Variants in SZT2 observed in about 807,000 individuals in gnomAD.
SZT2 encodes SZT2 subunit of KICSTOR complex.
A neutral mutation model predicts 404.2 loss-of-function variants in SZT2; 216 were observed. The observed-to-expected ratio is 0.53, with a 90% CI of 0.48 to 0.60. The LOEUF is 0.60. SZT2 is among the 20% of genes least tolerant of loss of function. The pLI is 0.00. For missense variants in SZT2, 3,857 were observed against 4,459.2 expected, an observed-to-expected ratio of 0.86 and a Z score of 3.85; for synonymous variants, 1,693 against 1,749.9, an observed-to-expected ratio of 0.97 and a Z score of 0.81.
intron 12 of SZT2, 24 bp downstream of exon 12, chr1:43,422,249 A>G (rs770499439): frequency 3.8e-6 from 6 of 1,559,954 alleles, no homozygotes; most frequent in South Asian, 1.1e-5. Context: ...GGGCTGGGCC[A>G]TAGTTGGGGT....
Position 43,433,089 on chromosome 1 carries a change from T to G in SZT2, c.5703T>G (p.Pro1901=). 1 of 1,614,134 alleles carries G rather than the reference T, an allele frequency of 6.2e-7. No homozygotes were observed. The highest frequency in any genetic ancestry group is 8.5e-7 in the Non-Finnish European group (1 of 1,180,028). ...TGCGGACTCCACCTGGGCCAGCACC[T>G]CCACAGCCTTCACTCTCAGGCCTCC... ...FTLRTPPGPA[P]PQPSLSGLPG... Residue 1901 remains proline, a synonymous_variant, in exon 40 of 72, where the codon CCT becomes CCG. Transcript: ENST00000634258.
At position 43,453,572 on chromosome 1, in the gene SZT2, A is replaced by G. The variant is rs755042181; in HGVS notation, c.*3092A>G. The G allele has an allele frequency of 2.6e-5, 36 of 1,378,112 alleles. No homozygotes were observed. The highest frequency in any genetic ancestry group is 3.9e-4 in the Middle Eastern group (2 of 5,162). 85.4% of individuals were successfully genotyped at this position (1,378,112 alleles called of 1,614,324 possible). On this transcript the variant is annotated 3_prime_UTR_variant, in exon 72 of 72. Coordinates refer to ENST00000634258, the MANE Select transcript of SZT2 (RefSeq NM_001365999.1). ...CGCCCCGGCACCCCCCAGCCCTCCC[A>G]GCCCTCCCGGCCCGCGACGCACCCG...
At position 43,430,527 on chromosome 1, in the gene SZT2, G is replaced by C; in HGVS notation, c.4512G>C (p.Glu1504Asp). Reference sequence around the variant, plus strand: ...CATCTGCCTGCTGTGTGGTCACTGAGAGTGACCCAGAGCTAGAGGTAGAAT... The same window carrying C: ...CATCTGCCTGCTGTGTGGTCACTGACAGTGACCCAGAGCTAGAGGTAGAAT... ...GDTSACCVVTESDPELEVEYR... is the reference protein window; with the variant it reads ...GDTSACCVVTDSDPELEVEYR... The change falls in exon 32 of 72, where the codon GAG becomes GAC. Residue 1504 changes from glutamate to aspartate, a missense_variant. Physicochemically the swap from Glu to Asp is conservative, Grantham distance 45 (BLOSUM62 2). Coordinates refer to ENST00000634258, the MANE Select transcript of SZT2 (RefSeq NM_001365999.1). 2 of 1,614,208 alleles carry C rather than the reference G, an allele frequency of 1.2e-6. No individual in the cohort carries two copies. The highest frequency in any genetic ancestry group is 1.7e-6 in the Non-Finnish European group (2 of 1,180,030).
In SZT2 at chr1:43,447,148, G is replaced by A. The variant is rs1206741431; in HGVS notation, c.9266G>A (p.Gly3089Asp). The part of the protein sequence containing the change: ...LAHHPDGPHF[G>D]RNHIYQGTLE... Reference sequence around the variant, plus strand: ...CACCACCCTGACGGACCCCACTTTGGCCGCAATCACATTTACCAAGGTCAG... The same window carrying A: ...CACCACCCTGACGGACCCCACTTTGACCGCAATCACATTTACCAAGGTCAG... Residue 3089 changes from glycine (G) to aspartate (D), a missense_variant, in exon 66 of 72, where the codon GGC (glycine) becomes GAC (aspartate). Physicochemically the swap from Gly to Asp is moderately conservative, Grantham distance 94. Transcript: ENST00000634258. 1 of 1,612,706 alleles carries A rather than the reference G, an allele frequency of 6.2e-7. No homozygotes were observed. Among genetic ancestry groups the A allele is most frequent in the Non-Finnish European group, 8.5e-7 (1 of 1,179,852 alleles).
chr1:43,443,276 C>T lies in SZT2; in HGVS notation c.8499+9C>T. 1 of 1,614,172 alleles carries T rather than the reference C, an allele frequency of 6.2e-7. No individual in the cohort carries two copies. Among genetic ancestry groups the T allele is most frequent in the Non-Finnish European group, 8.5e-7 (1 of 1,180,010 alleles). ...CCACCATGCCCATCAGTGTGAGTGA[C>T]CCCAGCTTGCATCTTCCTTGAGTAT... is the stretch of plus-strand genomic sequence containing the variant. On this transcript the variant is annotated intron_variant, in intron 60 of 71. Coordinates refer to ENST00000634258, the MANE Select transcript of SZT2 (RefSeq NM_001365999.1).
intron 4 of SZT2, among the ~76,000 whole-genome samples, chr1:43,414,760 C>A (rs912137718): frequency 7.2e-5 from 11 of 152,148 alleles, no homozygotes; most frequent in African/African-American, 2.7e-4. Flanking sequence ...CATAAGACAT[C>A]CTGTAGGCCA....
rs924800820 is a variant in SZT2, at chr1:43,413,003, G to T, written c.499-2079G>T. Among the ~76,000 whole-genome samples, 3 of 152,172 alleles carry T rather than the reference G, an allele frequency of 2.0e-5. No individual in the cohort carries two copies. The East Asian group carries it at 5.8e-4, about 29-fold the overall frequency. Reference sequence around the variant, plus strand: ...AAAATGGTTTTTATCCAAAAGACAGGCAATAACATGCTGGTGAGGATGTGG... The same window carrying T: ...AAAATGGTTTTTATCCAAAAGACAGTCAATAACATGCTGGTGAGGATGTGG... On this transcript the variant is annotated intron_variant, in intron 4 of 71. Coordinates refer to ENST00000634258, the MANE Select transcript of SZT2 (RefSeq NM_001365999.1).
chr1:43,432,696 A>G (rs1213615636), intron 38 of SZT2, 32 bp from the exon 39 acceptor site: 2 of 1,613,830 alleles, frequency 1.2e-6, no homozygotes, highest in Non-Finnish European at 1.7e-6. Flanking sequence ...CAGGATTGAG[A>G]GAGGCTCCAG....
rs1655207115 is a variant in SZT2, at chr1:43,442,757, G to C, written c.8152-62G>C. On this transcript the variant is annotated intron_variant, in intron 58 of 71. Transcript: ENST00000634258. This position sits in a 1 kb window ranked among gnomAD's most constrained non-coding sequence, Gnocchi z 4.5. ...GGGAGAGTCTGAGAGAGGAAGCCCTGGGATGAGAGAGAGGGTCCGAGGGCA... is the reference window on the plus strand; with the variant it reads ...GGGAGAGTCTGAGAGAGGAAGCCCTCGGATGAGAGAGAGGGTCCGAGGGCA... 6.5e-7 allele frequency: 1 copy of C among 1,541,134 alleles called. No homozygotes were observed. The highest frequency in any genetic ancestry group is 1.3e-5 in the South Asian group (1 of 79,920).
Position 43,451,402 on chromosome 1 carries a change from C to G in SZT2, c.*922C>G. ...TCCAGAGCTCCCTTCCCCAGGGCCA[C>G]GCCTCACCTCGAGGCTGATACTCAC... is the stretch of plus-strand genomic sequence containing the variant. On this transcript the variant is annotated 3_prime_UTR_variant, in exon 72 of 72. Coordinates refer to ENST00000634258, the MANE Select transcript of SZT2 (RefSeq NM_001365999.1). 1 of 1,612,264 alleles carries G rather than the reference C, an allele frequency of 6.2e-7. No homozygotes were observed.
chr1:43,441,778 A>G lies in SZT2; in HGVS notation c.7702A>G (p.Met2568Val), dbSNP rs150643439. 2 of 1,614,014 alleles carry G rather than the reference A, an allele frequency of 1.2e-6. No homozygotes were observed. The highest frequency in any genetic ancestry group is 2.7e-5 in the African/African-American group (2 of 74,918). The change falls in exon 55 of 72, where the codon ATG becomes GTG. Residue 2568 changes from methionine (M) to valine (V), a missense_variant. By Grantham distance (21) the Met-to-Val change is conservative. Transcript: ENST00000634258. This position sits in a 1 kb window ranked among gnomAD's most constrained non-coding sequence, Gnocchi z 4.8. ...TGAGTTCACCGCACTGGTCACCTCA[A>G]TGGCTGGAGACACCAGTGTCCGCAT... ...LSEFTALVTS[M>V]AGDTSVRIFE... is the part of the protein sequence containing the mutation.
intron 1 of SZT2, among the ~76,000 whole-genome samples, chr1:43,392,313 CAGTAGCCCCATAT>C (rs1260482332): frequency 4.0e-5 from 6 of 151,840 alleles, no homozygotes; most frequent in African/African-American, 7.3e-5. Flanking sequence ...TGTAAGTGCT[CAGTAGCCCCATAT>C]AGTAGTCTTT....
At chr1:43,428,832 G>A (rs1044681019) in intron 28 of SZT2, 2 of 263,988 alleles carry the variant, frequency 7.6e-6, no homozygotes, top group African/African-American at 4.3e-5. Context: ...AATTTCATGG[G>A]GGCCAAAACT....
chr1:43,432,292 C>T lies in SZT2; in HGVS notation c.5295C>T (p.Leu1765=). The change falls in exon 37 of 72, where the codon CTC becomes CTT. Residue 1765 remains leucine (L), a synonymous_variant. Transcript: ENST00000634258. ...TCTAGGAGTTCCGCCGCCTCCATCT[C>T]CCTGGCCATGTTCTTCTTGAAGACC... ...QFKEEFRRLH[L]PGHVLLEDPD... The T allele has an allele frequency of 6.4e-7, 1 of 1,572,626 alleles. No individual in the cohort carries two copies. Among genetic ancestry groups the T allele is most frequent in the Non-Finnish European group, 8.6e-7 (1 of 1,161,608 alleles).
chr1:43,440,726 C>T, intron 52 of SZT2, 140 bp downstream of exon 52: 1 of 1,189,898 alleles, frequency 8.4e-7, no homozygotes, highest in Non-Finnish European at 1.1e-6. Flanking sequence ...CTGCCAGACA[C>T]CATGGCGTGT....
intron 36 of SZT2, 77 bp downstream of exon 36, chr1:43,431,978 CCCT>C (rs1283857377): frequency 1.3e-6 from 2 of 1,539,234 alleles, no homozygotes; most frequent in African/African-American, 2.7e-5. Context: ...GACTGGAAGG[CCCT>C]CTGTTAGTTC....
Position 43,442,224 on chromosome 1 carries a change from G to C in SZT2, c.7874-44G>C. 1.2e-6 allele frequency: 2 copies of C among 1,603,316 alleles called. No homozygotes were observed. Among genetic ancestry groups the C allele is most frequent in the Non-Finnish European group, 1.7e-6 (2 of 1,174,264 alleles). ...CAGAGGGGAGGGTGGGATCAAGGGG[G>C]ATCTGTTCCCAGGCCCCTATTGTGC... On this transcript the variant is annotated intron_variant, in intron 56 of 71. Transcript: ENST00000634258. The surrounding 1 kb of genome is among the most constrained non-coding windows in gnomAD (Gnocchi z 4.5).
chr1:43,435,196 C>T lies in SZT2; in HGVS notation c.5905-4C>T, dbSNP rs1654332044. ...GTTCCCTGACCTCATGCTCCTTCTC[C>T]CAGCGACTGCTTCTTCAAGACCTTC... On this transcript the variant is annotated splice_region_variant and splice_polypyrimidine_tract_variant and intron_variant, in intron 41 of 71. Coordinates refer to ENST00000634258, the MANE Select transcript of SZT2 (RefSeq NM_001365999.1). The T allele has an allele frequency of 6.2e-7, 1 of 1,614,016 alleles. No homozygotes were observed. The highest frequency in any genetic ancestry group is 8.5e-7 in the Non-Finnish European group (1 of 1,179,896).
chr1:43,420,386 C>T lies in SZT2; in HGVS notation c.1261+63C>T. 2.0e-6 allele frequency: 3 copies of T among 1,475,544 alleles called. No individual in the cohort carries two copies. Among genetic ancestry groups the T allele is most frequent in the Admixed American group, 2.3e-5 (1 of 43,646 alleles). 91.4% of individuals were successfully genotyped at this position (1,475,544 alleles called of 1,614,324 possible). A position where few individuals can be genotyped will look rare whatever the true frequency, so the allele number is the denominator to read the frequency against. On this transcript the variant is annotated intron_variant, in intron 9 of 71. Coordinates refer to ENST00000634258, the MANE Select transcript of SZT2 (RefSeq NM_001365999.1). The surrounding 1 kb of genome is among the most constrained non-coding windows in gnomAD (Gnocchi z 5.1). Reference sequence around the variant, plus strand: ...TCTCAAGAATTTGTGTGTGGGAAGACCCACATGTATCACACATGAAAGAGT... The same window carrying T: ...TCTCAAGAATTTGTGTGTGGGAAGATCCACATGTATCACACATGAAAGAGT...
Sources: gnomAD v4.1 joint callset for allele counts (sites outside exome capture counted in the v4.1 genomes callset) on GRCh38, gnomAD v4.1.1 for gene constraint, Gnocchi (gnomAD v3.1) non-coding constraint, MANE v1.5 for transcripts, NCBI Gene and HGNC (gene_info 2026-07-23, HGNC 2026-07-21) for gene names.